The following GABRB1 variants were observed in gnomAD, a reference collection of about 807,000 sequenced individuals.
GABRB1 encodes the protein gamma-aminobutyric acid type A receptor subunit beta1.
A neutral mutation model predicts 51.6 loss-of-function variants in GABRB1; 17 were observed. The ratio of observed to expected loss-of-function variants is 0.33; its 90% CI spans 0.23 to 0.49. The LOEUF (loss-of-function observed/expected upper bound fraction) is 0.49. Among genes scored for constraint, GABRB1 ranks in the 20% least tolerant of loss-of-function variants. The pLI is 0.99. For synonymous variants in GABRB1, 247 were observed against 218.9 expected, an observed-to-expected ratio of 1.13 and a Z score of -1.14; for missense variants, 410 against 600.6, an observed-to-expected ratio of 0.68 and a Z score of 3.32.
At chr4:47,406,985 T>C in intron 8 of GABRB1, 59 bp downstream of exon 8, 1 of 1,502,154 alleles carries the variant, frequency 6.7e-7, no homozygotes, top group South Asian at 1.2e-5. Flanking sequence ...TCATGATGCC[T>C]CGGGCTCTCA....
In GABRB1 at chr4:47,336,514, C is replaced by A. The variant is rs536699245; in HGVS notation, c.544+16305C>A. 4.6e-5 allele frequency among the ~76,000 whole-genome samples: 7 copies of A among 152,252 alleles called. No homozygotes were observed. In the East Asian group the frequency reaches 9.6e-4, roughly 21 times the overall value. ...CAATGAAGAAGCCAAGACACAGTGG[C>A]AATAGCTAACTTGCCTTTGTTCATA... On this transcript the variant is annotated intron_variant, in intron 5 of 8. Transcript: ENST00000295454.
chr4:47,194,624 A>T (rs1719573587), intron 4 of GABRB1, among the ~76,000 whole-genome samples: 1 of 152,236 alleles, frequency 6.6e-6, no homozygotes, highest in African/African-American at 2.4e-5. Context: ...CTAGCACATC[A>T]GTGCTGCACA....
At chr4:47,408,087 G>A (rs1728636853) in intron 8 of GABRB1, among the ~76,000 whole-genome samples, 1 of 152,176 alleles carries the variant, frequency 6.6e-6, no homozygotes, top group Non-Finnish European at 1.5e-5. Flanking sequence ...GTGAGACCCT[G>A]TCTTAAAATA....
intron 8 of GABRB1, among the ~76,000 whole-genome samples, chr4:47,421,840 G>C (rs1028732770): frequency 2.0e-5 from 3 of 152,094 alleles, no homozygotes; most frequent in East Asian, 3.9e-4. Flanking sequence ...ATATCTCTAA[G>C]GAGGTAATGA....
At chr4:47,236,190 T>G (rs1221331944) in intron 4 of GABRB1, among the ~76,000 whole-genome samples, 2 of 152,114 alleles carry the variant, frequency 1.3e-5, no homozygotes, top group East Asian at 3.8e-4. Flanking sequence ...TTCATTTCAG[T>G]TTATCCTTTT....
chr4:47,303,138 CTT>C (rs1283383984), intron 4 of GABRB1, among the ~76,000 whole-genome samples: 2 of 151,812 alleles, frequency 1.3e-5, no homozygotes, highest in Non-Finnish European at 2.9e-5. Context: ...GTTACTAAAA[CTT>C]TATTTTAAAA....
intron 8 of GABRB1, among the ~76,000 whole-genome samples, chr4:47,419,440 T>A (rs866850358): frequency 2.0e-5 from 3 of 152,140 alleles, no homozygotes; most frequent in Admixed American, 6.5e-5. Context: ...AAGGTGGACA[T>A]CGTGGTTGCA....
At chr4:47,024,624 G>A (rs987305113) in intron 1 of GABRB1, among the ~76,000 whole-genome samples, 1 of 151,542 alleles carries the variant, frequency 6.6e-6, no homozygotes, top group African/African-American at 2.4e-5. Flanking sequence ...TTGGTTATAT[G>A]GATAAGTTCC....
At position 47,243,368 on chromosome 4, in the gene GABRB1, G is replaced by A. The variant is rs191216582; in HGVS notation, c.462-76759G>A. Among the ~76,000 whole-genome samples, 1,313 of 152,212 alleles carry A rather than the reference G, an allele frequency of 8.6e-3. 21 individuals are homozygous for A. The highest frequency in any genetic ancestry group is 0.03 in the African/African-American group (1,231 of 41,548). On this transcript the variant is annotated intron_variant, in intron 4 of 8. Coordinates refer to ENST00000295454, the MANE Select transcript of GABRB1 (RefSeq NM_000812.4). ...TGTCTTAGGATTGACTTGGTGATGCGGGCTCTTTTTTGGTTCCATATGAAC... is the reference window on the plus strand; with the variant it reads ...TGTCTTAGGATTGACTTGGTGATGCAGGCTCTTTTTTGGTTCCATATGAAC...
chr4:47,419,411 A>G (rs1301152194), intron 8 of GABRB1, among the ~76,000 whole-genome samples: 1 of 152,198 alleles, frequency 6.6e-6, no homozygotes, highest in Non-Finnish European at 1.5e-5. Flanking sequence ...GATGAAAGAA[A>G]GACTCGGCAG....
chr4:47,032,127 G>GAC (rs375911533), intron 2 of GABRB1, 122 bp downstream of exon 2: 22,579 of 569,542 alleles, frequency 0.04, 252 homozygotes, highest in African/African-American at 0.049. Context: ...CTATACCCTG[G>GAC]GCACACACAC....
chr4:47,226,534 A>G (rs937531412), intron 4 of GABRB1, among the ~76,000 whole-genome samples: 6 of 152,144 alleles, frequency 3.9e-5, no homozygotes, highest in Admixed American at 3.3e-4. Context: ...CTTACTTCAG[A>G]GTCCTGCTCC....
chr4:47,090,934 C>T (rs139232363), intron 3 of GABRB1, among the ~76,000 whole-genome samples: 5 of 152,288 alleles, frequency 3.3e-5, no homozygotes, highest in African/African-American at 9.6e-5. Context: ...ATCATCTCCT[C>T]GAAGAATATA....
At chr4:47,292,065 T>A (rs1342578934) in intron 4 of GABRB1, among the ~76,000 whole-genome samples, 1 of 152,186 alleles carries the variant, frequency 6.6e-6, no homozygotes, top group Non-Finnish European at 1.5e-5. Flanking sequence ...CCAAATCTCA[T>A]CTTGAATTCC....
intron 5 of GABRB1, among the ~76,000 whole-genome samples, chr4:47,321,858 T>A (rs1725097658): frequency 6.6e-6 from 1 of 152,236 alleles, no homozygotes; most frequent in Admixed American, 6.5e-5. Context: ...ATTGTATCAT[T>A]TGCTTAAAGG....
At chr4:47,381,332 C>T (rs1727590627) in intron 5 of GABRB1, among the ~76,000 whole-genome samples, 1 of 152,142 alleles carries the variant, frequency 6.6e-6, no homozygotes, top group South Asian at 2.1e-4. Context: ...GTCAACTCAG[C>T]TCCCACTCAA....
intron 5 of GABRB1, among the ~76,000 whole-genome samples, chr4:47,388,497 A>G (rs1168015199): frequency 6.6e-6 from 1 of 152,166 alleles, no homozygotes; most frequent in Non-Finnish European, 1.5e-5. Flanking sequence ...TTTCCAGAGG[A>G]TGCTAAAGAA....
intron 3 of GABRB1, among the ~76,000 whole-genome samples, chr4:47,156,448 C>A (rs188818128): frequency 1.3e-5 from 2 of 151,996 alleles, no homozygotes; most frequent in Admixed American, 6.6e-5. Context: ...CATCTCTGGC[C>A]TCTACTCACA....
rs917611390 is a variant in GABRB1 at position 47,403,198 on chromosome 4, C to A, written c.545-120C>A. ...CTCCACATGAGACCTGCATACCACC[C>A]TAGTTTAAAGCAATGCCACCTTACC... On this transcript the variant is annotated intron_variant, in intron 5 of 8. Coordinates refer to ENST00000295454, the MANE Select transcript of GABRB1 (RefSeq NM_000812.4). 6 of 1,002,606 alleles carry A rather than the reference C, an allele frequency of 6.0e-6. No individual in the cohort carries two copies. The African/African-American group carries it at 8.1e-5, about 14-fold the overall frequency. 62.1% of individuals were successfully genotyped at this position (1,002,606 alleles called of 1,614,324 possible). A position where few individuals can be genotyped will look rare whatever the true frequency, so the allele number is the denominator to read the frequency against.
Sources: allele counts gnomAD v4.1 joint callset (sites outside exome capture counted in the v4.1 genomes callset), GRCh38; gene constraint gnomAD v4.1.1; transcripts MANE v1.5; gene names NCBI Gene and HGNC (gene_info 2026-07-23, HGNC 2026-07-21).